The following PCDH9 variants were observed in gnomAD, a reference collection of about 807,000 sequenced individuals.
The protein encoded by PCDH9 is protocadherin-9.
Under a neutral mutation model 70.6 loss-of-function variants are expected in PCDH9, and 24 were observed. The ratio of observed to expected loss-of-function variants is 0.34; its 90% CI spans 0.25 to 0.48. The LOEUF is 0.48. PCDH9 is among the 20% of genes least tolerant of loss of function. PCDH9 has a pLI of 0.99. For synonymous variants in PCDH9, 562 were observed against 558.5 expected (o/e 1.01, Z -0.09); for missense variants, 1,281 against 1,503.6 (o/e 0.85, Z 2.45).
At chr13:67,065,641 T>C (rs1486349987) in intron 2 of PCDH9, among the ~76,000 whole-genome samples, 5 of 152,180 alleles carry the variant, frequency 3.3e-5, no homozygotes, top group African/African-American at 1.2e-4. Context: ...CTGGAAAATA[T>C]TGTCTACCAC....
At chr13:66,463,331 A>G (rs1391216409) in intron 4 of PCDH9, among the ~76,000 whole-genome samples, 1 of 151,828 alleles carries the variant, frequency 6.6e-6, no homozygotes, top group Non-Finnish European at 1.5e-5. Context: ...TAGAATTCCA[A>G]GTTGTTCAAG....
intron 2 of PCDH9, among the ~76,000 whole-genome samples, chr13:67,080,081 A>C (rs548011365): frequency 6.6e-6 from 1 of 152,214 alleles, no homozygotes; most frequent in South Asian, 2.1e-4. Flanking sequence ...TCAAGCTGTA[A>C]TCTGGCTGCC....
At chr13:66,945,028 T>C (rs978144726) in intron 2 of PCDH9, among the ~76,000 whole-genome samples, 6 of 152,060 alleles carry the variant, frequency 3.9e-5, no homozygotes, top group East Asian at 1.9e-4. Flanking sequence ...CTTTGGCATA[T>C]TGAATATCTC....
At chr13:66,973,919 T>G (rs979528797) in intron 2 of PCDH9, among the ~76,000 whole-genome samples, 18 of 152,056 alleles carry the variant, frequency 1.2e-4, no homozygotes, top group African/African-American at 4.1e-4. Context: ...ACATCTACAC[T>G]TGCTGAGAAT....
intron 2 of PCDH9, among the ~76,000 whole-genome samples, chr13:66,930,879 C>A (rs1276199867): frequency 6.6e-6 from 1 of 151,944 alleles, no homozygotes; most frequent in African/African-American, 2.4e-5. Flanking sequence ...ATGACAATGA[C>A]CTCCATATAA....
chr13:66,773,177 G>A (rs780533730), intron 3 of PCDH9, among the ~76,000 whole-genome samples: 1 of 152,106 alleles, frequency 6.6e-6, no homozygotes. Context: ...AAAATAACAT[G>A]CTCAGGGCTT....
At chr13:66,313,028 A>T (rs1323896550) in intron 4 of PCDH9, among the ~76,000 whole-genome samples, 1 of 152,218 alleles carries the variant, frequency 6.6e-6, no homozygotes, top group Admixed American at 6.5e-5. Flanking sequence ...TTCCTTGTAC[A>T]TCTTCAGCCT....
chr13:67,052,625 AG>A (rs1255799792), intron 2 of PCDH9, among the ~76,000 whole-genome samples: 3 of 152,046 alleles, frequency 2.0e-5, no homozygotes, highest in Non-Finnish European at 2.9e-5. Context: ...AGAAGAAGGT[AG>A]GAGGGAGGTG....
intron 2 of PCDH9, among the ~76,000 whole-genome samples, chr13:67,085,051 G>T (rs1257087485): frequency 7.7e-6 from 1 of 130,016 alleles, no homozygotes; most frequent in Non-Finnish European, 1.6e-5. Flanking sequence ...ATCTTATAAT[G>T]GAAGTATATT....
At chr13:66,835,357 G>A (rs2080999570) in intron 3 of PCDH9, among the ~76,000 whole-genome samples, 1 of 152,186 alleles carries the variant, frequency 6.6e-6, no homozygotes, top group Non-Finnish European at 1.5e-5. Flanking sequence ...TGTGGAGCCA[G>A]TCAGATTAGG....
At chr13:66,691,784 A>G (rs551581323) in intron 3 of PCDH9, among the ~76,000 whole-genome samples, 1 of 152,314 alleles carries the variant, frequency 6.6e-6, no homozygotes, top group South Asian at 2.1e-4. Context: ...TGTATTGAAT[A>G]CCAAAAATAT....
At chr13:66,797,423 C>T (rs573152344) in intron 3 of PCDH9, among the ~76,000 whole-genome samples, 115 of 152,280 alleles carry the variant, frequency 7.6e-4, no homozygotes, top group African/African-American at 2.7e-3. Flanking sequence ...ATAGTTCTTT[C>T]AGTTGTTCAT....
At chr13:66,830,319 G>A (rs2080903235) in intron 3 of PCDH9, among the ~76,000 whole-genome samples, 1 of 151,988 alleles carries the variant, frequency 6.6e-6, no homozygotes, top group African/African-American at 2.4e-5. Context: ...CTTCATTTGG[G>A]GCACTTTGGC....
chr13:66,597,394 T>C lies in PCDH9; in HGVS notation c.3340+33816A>G, dbSNP rs566594809. On this transcript the variant is annotated intron_variant, in intron 4 of 4. Coordinates refer to ENST00000377865, the MANE Select transcript of PCDH9 (RefSeq NM_203487.3). ...GCATAAAGACAGACATATGGACCAA[T>C]GGAACAGAATGAAGAGCCCAGAAAT... Among the ~76,000 whole-genome samples the C allele has an allele frequency of 2.0e-5, 3 of 151,850 alleles. No individual in the cohort carries two copies. The East Asian group carries it at 5.8e-4, about 30-fold the overall frequency.
chr13:66,393,411 C>G (rs1957051635), intron 4 of PCDH9, among the ~76,000 whole-genome samples: 1 of 152,092 alleles, frequency 6.6e-6, no homozygotes, highest in South Asian at 2.1e-4. Context: ...CTTCAAAGCT[C>G]TACAGGGAAA....
chr13:67,009,188 T>C (rs2084408472), intron 2 of PCDH9, among the ~76,000 whole-genome samples: 1 of 152,072 alleles, frequency 6.6e-6, no homozygotes, highest in Non-Finnish European at 1.5e-5. Flanking sequence ...TCAGAAAATT[T>C]AGTGTTGGGC....
At chr13:66,585,298 T>G (rs2076947848) in intron 4 of PCDH9, among the ~76,000 whole-genome samples, 1 of 152,150 alleles carries the variant, frequency 6.6e-6, no homozygotes, top group Non-Finnish European at 1.5e-5. Context: ...AAGTTTTGAT[T>G]ATCTGTGAGA....
chr13:67,129,383 G>A (rs2087053883), intron 2 of PCDH9, among the ~76,000 whole-genome samples: 1 of 152,032 alleles, frequency 6.6e-6, no homozygotes, highest in Non-Finnish European at 1.5e-5. Context: ...TGATAGACAT[G>A]TGCATAAAAA....
At chr13:66,491,414 T>TGTGTGTGTGTGTGTGTGC (rs1959031374) in intron 4 of PCDH9, among the ~76,000 whole-genome samples, 1 of 151,490 alleles carries the variant, frequency 6.6e-6, no homozygotes, top group Admixed American at 6.6e-5. Context: ...TGTGTGTGTG[T>TGTGTGTGTGTGTGTGTGC]GTGTATGAGA....
Sources: allele counts gnomAD v4.1 joint callset (sites outside exome capture counted in the v4.1 genomes callset), GRCh38; gene constraint gnomAD v4.1.1; transcripts MANE v1.5; gene names NCBI Gene and HGNC (gene_info 2026-07-23, HGNC 2026-07-21).